PCDHGB1: variants seen among roughly 807,000 people sequenced by gnomAD.
The protein encoded by PCDHGB1 is protocadherin gamma subfamily B, 1, also known as protocadherin gamma-B1.
PCDHGB1 carries 34 observed loss-of-function variants against 56.6 expected under a neutral mutation model. That is an observed-to-expected ratio of 0.60 (90% CI 0.46 to 0.80). The LOEUF is 0.80. Among genes scored for constraint, PCDHGB1 ranks in the 30% least tolerant of loss-of-function variants. The pLI is 0.00. For missense variants in PCDHGB1, 1,278 were observed against 1,204.6 expected (o/e 1.06, Z -0.90); for synonymous variants, 561 against 505.9 (o/e 1.11, Z -1.46).
chr5:141,390,297 G>C, intron 1 of PCDHGB1: 2 of 1,613,826 alleles, frequency 1.2e-6, no homozygotes, highest in Non-Finnish European at 1.7e-6. Context: ...TTTCCTTTAA[G>C]TATAATTTAA....
At chr5:141,405,667 G>A (rs911046478) in intron 1 of PCDHGB1, among the ~76,000 whole-genome samples, 10 of 152,044 alleles carry the variant, frequency 6.6e-5, no homozygotes, top group Non-Finnish European at 7.4e-5. Flanking sequence ...TAGTAGAGAC[G>A]GGGTGTCACC....
At chr5:141,421,489 G>A in intron 1 of PCDHGB1, 1 of 1,614,094 alleles carries the variant, frequency 6.2e-7, no homozygotes, top group Non-Finnish European at 8.5e-7. Flanking sequence ...CTTGATCACG[G>A]CAGGCAGGAT....
chr5:141,395,748 GA>G (rs1300341557), intron 1 of PCDHGB1: 2 of 152,878 alleles, frequency 1.3e-5, no homozygotes, highest in African/African-American at 4.8e-5. Flanking sequence ...CCTCTTTTCT[GA>G]GCCCTGTTTC....
chr5:141,374,708 C>T (rs974732178), intron 1 of PCDHGB1: 3 of 1,609,146 alleles, frequency 1.9e-6, no homozygotes, highest in South Asian at 2.2e-5. Flanking sequence ...AGCCGTTTAC[C>T]GCCTGGTCCT....
At chr5:141,475,161 A>G (rs1433985907) in intron 1 of PCDHGB1, among the ~76,000 whole-genome samples, 1 of 152,138 alleles carries the variant, frequency 6.6e-6, no homozygotes, top group Non-Finnish European at 1.5e-5. Context: ...CTTCTTCATT[A>G]GCAGTGCAAC....
Position 141,449,720 on chromosome 5 carries a change from T to C in PCDHGB1, c.2410-45087T>C, listed in dbSNP as rs373093679. 2.4e-4 allele frequency among the ~76,000 whole-genome samples: 36 copies of C among 151,876 alleles called. No individual in the cohort carries two copies. In the East Asian group the frequency reaches 3.1e-3, roughly 13 times the overall value. ...ACACAAACACATTATTTTTATATGA[T>C]ATGATTTTTTTATGACATGATTATT... On this transcript the variant is annotated intron_variant, in intron 1 of 3. Coordinates refer to ENST00000523390, the MANE Select transcript of PCDHGB1 (RefSeq NM_018922.3).
Position 141,485,550 on chromosome 5 carries a change from TG to T in PCDHGB1, c.2410-9256del. On this transcript the variant is annotated intron_variant, in intron 1 of 3. Coordinates refer to ENST00000523390, the MANE Select transcript of PCDHGB1 (RefSeq NM_018922.3). The surrounding 1 kb of genome is among the most constrained non-coding windows in gnomAD (Gnocchi z 5.7). ...CGAGCAGAGGTAGAGATCGTAGATGTGAATGATCACGCCCCCCGTTTTCCGC... is the reference window on the plus strand; with the variant it reads ...CGAGCAGAGGTAGAGATCGTAGATGTAATGATCACGCCCCCCGTTTTCCGC... The T allele has an allele frequency of 6.2e-7, 1 of 1,613,820 alleles. No individual in the cohort carries two copies.
At chr5:141,419,443 C>A in intron 1 of PCDHGB1, 1 of 1,613,080 alleles carries the variant, frequency 6.2e-7, no homozygotes, top group Non-Finnish European at 8.5e-7. Context: ...TGCGCACCTT[C>A]GAGCTCACGC....
intron 1 of PCDHGB1, among the ~76,000 whole-genome samples, chr5:141,368,720 T>C (rs1443376319): frequency 6.6e-6 from 1 of 152,220 alleles, no homozygotes; most frequent in African/African-American, 2.4e-5. Flanking sequence ...ATTTTGAATG[T>C]ATGTACTGTA....
chr5:141,382,946 T>C (rs1415736753), intron 1 of PCDHGB1: 27 of 1,598,228 alleles, frequency 1.7e-5, no homozygotes, highest in Non-Finnish European at 2.3e-5. Flanking sequence ...TTCTTCCTGC[T>C]CTCCATCCTC....
At chr5:141,356,957 A>G (rs773071965) in intron 1 of PCDHGB1, 7 of 1,614,206 alleles carry the variant, frequency 4.3e-6, no homozygotes, top group Non-Finnish European at 5.9e-6. Context: ...GATTCCGGCT[A>G]CCTGGTGACC....
At chr5:141,407,851 C>T (rs2094989102) in intron 1 of PCDHGB1, among the ~76,000 whole-genome samples, 1 of 152,194 alleles carries the variant, frequency 6.6e-6, no homozygotes, top group Non-Finnish European at 1.5e-5. Flanking sequence ...GGGGGATGTA[C>T]ACCTGCATTT....
chr5:141,423,816 T>C lies in PCDHGB1; in HGVS notation c.2410-70991T>C, dbSNP rs1205974775. ...TTAGAGCAATACATGTGAGTTTTACTTTGCCTTTCATGAGATTACGATAAT... is the reference window on the plus strand; with the variant it reads ...TTAGAGCAATACATGTGAGTTTTACCTTGCCTTTCATGAGATTACGATAAT... On this transcript the variant is annotated intron_variant, in intron 1 of 3. Transcript: ENST00000523390. 3 of 1,273,904 alleles carry C rather than the reference T, an allele frequency of 2.4e-6. No individual in the cohort carries two copies. The African/African-American group carries it at 4.7e-5, about 20-fold the overall frequency. 78.9% of individuals were successfully genotyped at this position (1,273,904 alleles called of 1,614,324 possible).
rs540471918 is a variant in PCDHGB1 at position 141,433,283 on chromosome 5, T to C, written c.2410-61524T>C. ...ATCATAGCTCACTGCAGCCTCAAAC[T>C]CCTAGGCTCAAGCAATTATCCCACC... On this transcript the variant is annotated intron_variant, in intron 1 of 3. Coordinates refer to ENST00000523390, the MANE Select transcript of PCDHGB1 (RefSeq NM_018922.3). The C allele has an allele frequency of 4.2e-5, 50 of 1,183,074 alleles. No homozygotes were observed. In the Admixed American group the frequency reaches 7.9e-4, roughly 19 times the overall value. 73.3% of individuals were successfully genotyped at this position (1,183,074 alleles called of 1,614,324 possible).
chr5:141,398,732 G>A (rs747131946), intron 1 of PCDHGB1: 4 of 1,613,778 alleles, frequency 2.5e-6, no homozygotes, highest in Admixed American at 1.7e-5. Flanking sequence ...ACCTTAGACC[G>A]GGAACAACAG....
chr5:141,395,445 T>C (rs1257175969), intron 1 of PCDHGB1: 1 of 655,916 alleles, frequency 1.5e-6, no homozygotes, highest in East Asian at 2.9e-5. Context: ...TTGGAAAAGA[T>C]TGTTCAACCA....
intron 1 of PCDHGB1, chr5:141,409,471 A>T: frequency 6.2e-7 from 1 of 1,613,978 alleles, no homozygotes; most frequent in Non-Finnish European, 8.5e-7. Context: ...TCACCATCGT[A>T]GCCACTGACA....
intron 1 of PCDHGB1, chr5:141,376,199 G>A: frequency 6.2e-7 from 1 of 1,614,162 alleles, no homozygotes; most frequent in Non-Finnish European, 8.5e-7. Flanking sequence ...CGTCTTCCTG[G>A]CCTTCGTCAT....
chr5:141,414,710 A>C (rs1253697066), intron 1 of PCDHGB1: 4 of 1,613,836 alleles, frequency 2.5e-6, no homozygotes, highest in African/African-American at 1.3e-5. Flanking sequence ...ATATCCATCA[A>C]CTCAGACACT....
Sources: gnomAD v4.1 joint callset for allele counts (sites outside exome capture counted in the v4.1 genomes callset) on GRCh38, gnomAD v4.1.1 for gene constraint, Gnocchi (gnomAD v3.1) non-coding constraint, MANE v1.5 for transcripts, NCBI Gene and HGNC (gene_info 2026-07-23, HGNC 2026-07-21) for gene names.